The following LY96 variants were observed in gnomAD, a reference collection of about 807,000 sequenced individuals.
The protein encoded by LY96 is lymphocyte antigen 96.
In LY96, 18 loss-of-function variants were observed where a neutral mutation model predicts 18.9. The ratio of observed to expected loss-of-function variants is 0.95; its 90% confidence interval spans 0.66 to 1.41. The LOEUF is 1.41. LY96 is among the 40% of genes most tolerant of loss of function. LY96 has a pLI of 0.00. For synonymous variants in LY96, 66 were observed against 62.6 expected (o/e 1.06, Z -0.26); for missense variants, 175 against 182.4 (o/e 0.96, Z 0.23).
the LY96 span, among the ~76,000 whole-genome samples, chr8:74,095,091 A>G: frequency 2.0e-5 from 3 of 152,220 alleles, no homozygotes; most frequent in Admixed American, 6.5e-5. Context: ...AAAGCCAAAA[A>G]TCCATTGTTG....
downstream of LY96, among the ~76,000 whole-genome samples, chr8:74,031,303 A>G (rs1816965694): frequency 6.6e-6 from 1 of 152,222 alleles, no homozygotes; most frequent in South Asian, 2.1e-4. Context: ...ACAAAAAACA[A>G]AAAGACACAA....
intron 3 of LY96, among the ~76,000 whole-genome samples, chr8:74,011,375 A>T (rs1816526773): frequency 6.6e-6 from 1 of 152,240 alleles, no homozygotes; most frequent in Admixed American, 6.5e-5. Context: ...AGACAAAAGT[A>T]GACAAATGGG....
At chr8:74,042,414 G>C in the LY96 span, among the ~76,000 whole-genome samples, 1 of 152,130 alleles carries the variant, frequency 6.6e-6, no homozygotes, top group Non-Finnish European at 1.5e-5. Context: ...TCAGCTACTT[G>C]GGAGGCTGAG....
chr8:74,012,738 G>A (rs753327706), intron 3 of LY96, among the ~76,000 whole-genome samples: 4 of 151,970 alleles, frequency 2.6e-5, no homozygotes, highest in African/African-American at 9.7e-5. Context: ...ATAAAATTAT[G>A]TGTAATTTTA....
chr8:74,070,512 A>G, the LY96 span, among the ~76,000 whole-genome samples: 9 of 152,160 alleles, frequency 5.9e-5, no homozygotes, highest in African/African-American at 2.2e-4. Flanking sequence ...GTTTTTATAT[A>G]TCCAGTGTAT....
At chr8:73,996,324 C>A (rs1457269079) in intron 1 of LY96, among the ~76,000 whole-genome samples, 1 of 91,986 alleles carries the variant, frequency 1.1e-5, no homozygotes, top group African/African-American at 4.4e-5. Context: ...TCTTTTCCTT[C>A]CTTCCTTCCT....
the LY96 span, among the ~76,000 whole-genome samples, chr8:74,050,788 C>G: frequency 2.1e-4 from 32 of 152,164 alleles, no homozygotes; most frequent in Non-Finnish European, 3.8e-4. Context: ...CTTTGGGAGG[C>G]CGAGGCAGGT....
the LY96 span, chr8:74,099,431 AACAG>A: frequency 6.6e-6 from 1 of 152,288 alleles, no homozygotes; most frequent in South Asian, 2.1e-4. Context: ...TTGGTGCAAC[AACAG>A]ACCAGCATTT....
intron 3 of LY96, among the ~76,000 whole-genome samples, chr8:74,012,807 AT>A (rs939274827): frequency 6.6e-6 from 1 of 152,038 alleles, no homozygotes; most frequent in African/African-American, 2.4e-5. Context: ...TTTACATATA[AT>A]TTTTTTGTAA....
chr8:73,992,202 T>C (rs1336903025), intron 1 of LY96, among the ~76,000 whole-genome samples: 1 of 152,162 alleles, frequency 6.6e-6, no homozygotes, highest in Non-Finnish European at 1.5e-5. Context: ...TCACTGGCTG[T>C]GTCACTGTCC....
intron 4 of LY96, among the ~76,000 whole-genome samples, chr8:74,027,311 C>CT (rs546118809): frequency 0.034 from 4,575 of 135,644 alleles, 99 homozygotes; most frequent in African/African-American, 0.061. Context: ...TTAGAATTAG[C>CT]TTTTTTTTTT....
At chr8:74,010,928 A>G (rs761076931) in intron 3 of LY96, among the ~76,000 whole-genome samples, 4 of 150,080 alleles carry the variant, frequency 2.7e-5, no homozygotes, top group Non-Finnish European at 5.9e-5. Context: ...TTAATTGTGC[A>G]TTTCTTTTAC....
chr8:74,048,143 A>G, the LY96 span, among the ~76,000 whole-genome samples: 1 of 152,146 alleles, frequency 6.6e-6, no homozygotes, highest in Non-Finnish European at 1.5e-5. Context: ...CTGGTTTTAG[A>G]ATGAAGACTC....
chr8:74,056,325 C>A, the LY96 span: 1 of 334,840 alleles, frequency 3.0e-6, no homozygotes, highest in South Asian at 2.5e-5. Flanking sequence ...TGCTTATGCT[C>A]AGCACCAACA....
At chr8:74,088,167 A>C in the LY96 span, among the ~76,000 whole-genome samples, 1 of 152,182 alleles carries the variant, frequency 6.6e-6, no homozygotes, top group Non-Finnish European at 1.5e-5. Context: ...ATAGAAAAGG[A>C]AAGTGTTGCT....
downstream of LY96, among the ~76,000 whole-genome samples, chr8:74,032,560 C>G (rs1340480372): frequency 2.6e-5 from 4 of 152,276 alleles, no homozygotes; most frequent in African/African-American, 9.6e-5. Context: ...AGTTGTAAGC[C>G]CTTAAAAGGG....
chr8:73,991,482 A>C lies in LY96; in HGVS notation c.40A>C (p.Ile14Leu). 1 of 1,613,146 alleles carries C rather than the reference A, an allele frequency of 6.2e-7. No individual in the cohort carries two copies. Among genetic ancestry groups the C allele is most frequent in the Non-Finnish European group, 8.5e-7 (1 of 1,179,176 alleles). The change falls in exon 1 of 5, where the codon ATA (isoleucine) becomes CTA (leucine). Residue 14 changes from isoleucine to leucine, a missense_variant. Physicochemically the swap from Ile to Leu is conservative, Grantham distance 5 (BLOSUM62 2). Transcript: ENST00000284818. ...FLFFSTLFSS[I>L]FTEAQKQYWV... The stretch of plus-strand genomic sequence containing the variant: ...GTTTTTTTCCACCCTGTTTTCTTCC[A>C]TATTTACTGAAGCTCAGAAGCAGTA...
downstream of LY96, among the ~76,000 whole-genome samples, chr8:74,033,139 C>G (rs566197948): frequency 6.5e-4 from 99 of 151,878 alleles, no homozygotes; most frequent in Non-Finnish European, 2.5e-4. Flanking sequence ...AGTTTGCTGT[C>G]TCTTGTGGGT....
Position 74,010,099 on chromosome 8 carries a change from G to T in LY96, c.301G>T (p.Asp101Tyr). ...AGTTATTTGCCGAGGATCTGATGAC[G>T]ATTACTCTTTTTGCAGAGCTCTGAA... The part of the protein sequence containing the change: ...KEVICRGSDD[D>Y]YSFCRALKGE... Residue 101 changes from aspartate to tyrosine, a missense_variant, in exon 3 of 5, where the codon GAT becomes TAT. Physicochemically the swap from Asp to Tyr is radical, Grantham distance 160. Transcript: ENST00000284818. 1 of 1,613,234 alleles carries T rather than the reference G, an allele frequency of 6.2e-7. No individual in the cohort carries two copies.
Sources: allele counts gnomAD v4.1 joint callset (sites outside exome capture counted in the v4.1 genomes callset), GRCh38; gene constraint gnomAD v4.1.1; transcripts MANE v1.5; gene names NCBI Gene and HGNC (gene_info 2026-07-23, HGNC 2026-07-21).